The following SMAD2 variants were observed in gnomAD, a reference collection of about 807,000 sequenced individuals.
SMAD2 encodes SMAD family member 2.
A neutral mutation model predicts 64.4 loss-of-function variants in SMAD2; 8 were observed. That is an observed-to-expected ratio of 0.12 (90% CI 0.07 to 0.22). SMAD2 has a LOEUF of 0.22. Ranked by LOEUF, SMAD2 falls within the 10% of genes least tolerant of loss-of-function variation. The pLI, the probability that SMAD2 is intolerant of heterozygous loss-of-function variation, is 1.00. For missense variants in SMAD2, 289 were observed against 561.2 expected (o/e 0.51, Z 4.90); for synonymous variants, 203 against 195.8 (o/e 1.04, Z -0.31).
chr18:47,849,780 G>C (rs1212671352), intron 7 of SMAD2, among the ~76,000 whole-genome samples: 1 of 152,026 alleles, frequency 6.6e-6, no homozygotes, highest in East Asian at 1.9e-4. Flanking sequence ...GGTCAAGGTG[G>C]GTGATTCGTT....
At chr18:47,844,394 T>C (rs983140120) in intron 10 of SMAD2, among the ~76,000 whole-genome samples, 2 of 152,174 alleles carry the variant, frequency 1.3e-5, no homozygotes, top group Admixed American at 6.5e-5. Flanking sequence ...GAGTAAGCAA[T>C]ACGAATTGAA....
chr18:47,914,589 C>A (rs1466960157), intron 1 of SMAD2, among the ~76,000 whole-genome samples: 1 of 152,168 alleles, frequency 6.6e-6, no homozygotes, highest in South Asian at 2.1e-4. Context: ...AGTGATCTAA[C>A]CATCTCTCAT....
chr18:47,862,325 A>T (rs2031245604), intron 6 of SMAD2, among the ~76,000 whole-genome samples: 1 of 152,202 alleles, frequency 6.6e-6, no homozygotes, highest in African/African-American at 2.4e-5. Flanking sequence ...TGGGTGGCTT[A>T]AAACAACAGA....
intron 8 of SMAD2, among the ~76,000 whole-genome samples, chr18:47,847,266 C>A (rs1443182941): frequency 6.6e-6 from 1 of 152,120 alleles, no homozygotes; most frequent in African/African-American, 2.4e-5. Context: ...GATTTGAGAA[C>A]TTCCACTTGG....
At position 47,836,049 on chromosome 18, in the gene SMAD2, C is replaced by T; in HGVS notation, c.*5778G>A. On this transcript the variant is annotated 3_prime_UTR_variant, in exon 11 of 11. Coordinates refer to ENST00000262160, the MANE Select transcript of SMAD2 (RefSeq NM_005901.6). ...TGGATTCATTATGGATCTCATGGCA[C>T]CAAACCAACTGGCACTGAAGTTAAG... 1 of 214,526 alleles carries T rather than the reference C, an allele frequency of 4.7e-6. No homozygotes were observed. The highest frequency in any genetic ancestry group is 9.4e-6 in the Non-Finnish European group (1 of 106,206). 13.3% of individuals were successfully genotyped at this position (214,526 alleles called of 1,614,324 possible). A position where few individuals can be genotyped will look rare whatever the true frequency, so the allele number is the denominator to read the frequency against.
chr18:47,922,625 C>T (rs1417959581), intron 1 of SMAD2: 1 of 151,988 alleles, frequency 6.6e-6, no homozygotes, highest in Non-Finnish European at 1.5e-5. Context: ...CTGTGGAGAC[C>T]GAGATTTTTA....
chr18:47,845,960 T>C (rs571548469), intron 8 of SMAD2, among the ~76,000 whole-genome samples, 160 bp from the exon 9 acceptor site: 1 of 152,320 alleles, frequency 6.6e-6, no homozygotes, highest in Non-Finnish European at 1.5e-5. Flanking sequence ...TATACTACTG[T>C]ATATTTCTCC....
chr18:47,911,951 AAGTATG>A (rs2034153900), intron 1 of SMAD2, among the ~76,000 whole-genome samples: 1 of 152,228 alleles, frequency 6.6e-6, no homozygotes. Context: ...CTGTGCCACA[AAGTATG>A]CTCTAGAGGA....
At chr18:47,864,394 T>C (rs2031407301) in intron 6 of SMAD2, among the ~76,000 whole-genome samples, 2 of 152,172 alleles carry the variant, frequency 1.3e-5, no homozygotes, top group Non-Finnish European at 1.5e-5. Context: ...GGAGAAAGAC[T>C]GATGGTATAA....
chr18:47,908,799 C>T (rs1166723964), intron 1 of SMAD2, among the ~76,000 whole-genome samples: 1 of 152,206 alleles, frequency 6.6e-6, no homozygotes, highest in East Asian at 1.9e-4. Context: ...AGCAGTTCTT[C>T]TCTCCAGTAA....
intron 2 of SMAD2, among the ~76,000 whole-genome samples, chr18:47,875,124 T>C (rs2032193585): frequency 6.6e-6 from 1 of 152,128 alleles, no homozygotes; most frequent in South Asian, 2.1e-4. Context: ...ACATGAACCT[T>C]TGGTACCAAT....
At chr18:47,925,429 G>A (rs967557347) in intron 1 of SMAD2, among the ~76,000 whole-genome samples, 38 of 152,170 alleles carry the variant, frequency 2.5e-4, no homozygotes, top group African/African-American at 9.2e-4. Context: ...TGTGAGGCAA[G>A]CACAGAAGAC....
At chr18:47,880,444 A>G (rs2032519916) in intron 2 of SMAD2, among the ~76,000 whole-genome samples, 1 of 152,218 alleles carries the variant, frequency 6.6e-6, no homozygotes, top group Non-Finnish European at 1.5e-5. Flanking sequence ...ATATAGGCAC[A>G]CAGTGTTTAT....
At chr18:47,848,883 A>G (rs1914797455) in intron 7 of SMAD2, among the ~76,000 whole-genome samples, 196 bp from the exon 8 acceptor site, 2 of 152,288 alleles carry the variant, frequency 1.3e-5, no homozygotes, top group South Asian at 2.1e-4. Context: ...ACAAAACTCC[A>G]GTTTCATAGA....
rs920758785 is a variant in SMAD2 at position 47,824,564 on chromosome 18, A to G, written c.*17263T>C. On this transcript the variant is annotated 3_prime_UTR_variant, in exon 11 of 11. Transcript: ENST00000262160. ...AATGCCCTATTCCCAAATAAACATC[A>G]TTTTCTTTTAGAAAGCCTCTGTTAT... is the stretch of plus-strand genomic sequence containing the variant. 1.3e-5 allele frequency: 2 copies of G among 152,122 alleles called. No homozygotes were observed. Among genetic ancestry groups the G allele is most frequent in the Non-Finnish European group, 2.9e-5 (2 of 68,022 alleles). The allele number at this position is 152,122 out of a possible 1,614,324, so 9.4% of individuals were successfully genotyped here. A position where few individuals can be genotyped will look rare whatever the true frequency, so the allele number is the denominator to read the frequency against.
intron 1 of SMAD2, among the ~76,000 whole-genome samples, chr18:47,917,864 T>C (rs1027165223): frequency 3.3e-5 from 5 of 152,088 alleles, no homozygotes; most frequent in Admixed American, 1.3e-4. Flanking sequence ...AGGGAATTTT[T>C]AAAAACCAGA....
At chr18:47,912,387 T>C (rs2034171634) in intron 1 of SMAD2, 1 of 152,200 alleles carries the variant, frequency 6.6e-6, no homozygotes. Flanking sequence ...TGTAACTGAG[T>C]GGCATGTAAT....
In SMAD2 at chr18:47,819,319, GAACT is replaced by G. The variant is rs1281013682; in HGVS notation, c.*22504_*22507del. ...AATGATCTTTGTATAACTGTAAGTT[GAACT>G]AATTTTGTATTATTGACTTCAGCTG... On this transcript the variant is annotated 3_prime_UTR_variant, in exon 11 of 11. Coordinates refer to ENST00000262160, the MANE Select transcript of SMAD2 (RefSeq NM_005901.6). 7.9e-5 allele frequency: 12 copies of G among 152,160 alleles called. No individual in the cohort carries two copies. Among genetic ancestry groups the G allele is most frequent in the African/African-American group, 2.4e-4 (10 of 41,430 alleles). 9.4% of individuals were successfully genotyped at this position (152,160 alleles called of 1,614,324 possible).
intron 2 of SMAD2, among the ~76,000 whole-genome samples, chr18:47,871,568 C>T (rs2031935560): frequency 2.0e-5 from 3 of 152,308 alleles, no homozygotes; most frequent in African/African-American, 7.2e-5. Context: ...GCTGCAGGAA[C>T]ACATCATGCC....
Sources: allele counts gnomAD v4.1 joint callset (sites outside exome capture counted in the v4.1 genomes callset), GRCh38; gene constraint gnomAD v4.1.1; transcripts MANE v1.5; gene names NCBI Gene and HGNC (gene_info 2026-07-23, HGNC 2026-07-21).